QRSL1: variants seen among roughly 807,000 people sequenced by gnomAD.
The protein encoded by QRSL1 is glutaminyl-tRNA amidotransferase subunit QRSL1, also known as glutamyl-tRNA(Gln) amidotransferase subunit A, mitochondrial.
Under a neutral mutation model 61.6 loss-of-function variants are expected in QRSL1, and 54 were observed. That is an observed-to-expected ratio of 0.88 (90% CI 0.70 to 1.10). QRSL1 has a LOEUF of 1.10. Ranked by LOEUF, QRSL1 falls within the 50% of genes least tolerant of loss-of-function variation. QRSL1 has a pLI of 0.00. For synonymous variants in QRSL1, 228 were observed against 225.7 expected (o/e 1.01, Z -0.09); for missense variants, 505 against 622.6 (o/e 0.81, Z 2.01).
rs762440457 is a variant in QRSL1 at position 106,640,526 on chromosome 6, A to G, written c.184+18A>G. 2 of 1,523,886 alleles carry G rather than the reference A, an allele frequency of 1.3e-6. No homozygotes were observed. Among genetic ancestry groups the G allele is most frequent in the Admixed American group, 2.2e-5 (1 of 45,702 alleles). 94.4% of individuals were successfully genotyped at this position (1,523,886 alleles called of 1,614,324 possible). A position where few individuals can be genotyped will look rare whatever the true frequency, so the allele number is the denominator to read the frequency against. ...TAAGAATGGTAAATTGCTTTTAACT[A>G]TACTTAATTGTTATATCTCCAGAGA... On this transcript the variant is annotated intron_variant, in intron 2 of 10. Coordinates refer to ENST00000369046, the MANE Select transcript of QRSL1 (RefSeq NM_018292.5).
chr6:106,655,823 A>G lies in QRSL1; in HGVS notation c.1160+91A>G, dbSNP rs868401967. ...TCTTATAAGTCAAGGTATTTAGTAAAGAAACAAAATCTTTATGATTTGAAT... is the reference window on the plus strand; with the variant it reads ...TCTTATAAGTCAAGGTATTTAGTAAGGAAACAAAATCTTTATGATTTGAAT... On this transcript the variant is annotated intron_variant, in intron 9 of 10. Coordinates refer to ENST00000369046, the MANE Select transcript of QRSL1 (RefSeq NM_018292.5). 24 of 809,694 alleles carry G rather than the reference A, an allele frequency of 3.0e-5. No individual in the cohort carries two copies. The Middle Eastern group carries it at 3.6e-3, about 122-fold the overall frequency. 50.2% of individuals were successfully genotyped at this position (809,694 alleles called of 1,614,324 possible).
intron 3 of QRSL1, among the ~76,000 whole-genome samples, chr6:106,642,276 G>A (rs1369783750): frequency 6.6e-6 from 1 of 152,158 alleles, no homozygotes; most frequent in Non-Finnish European, 1.5e-5. Context: ...GGCTGGTCTC[G>A]AACTCCTAAC....
rs1334911938 is a variant in QRSL1 at position 106,652,476 on chromosome 6, C to T, written c.743C>T (p.Ala248Val). The T allele has an allele frequency of 1.9e-6, 3 of 1,614,166 alleles. No homozygotes were observed. Among genetic ancestry groups the T allele is most frequent in the Non-Finnish European group, 2.5e-6 (3 of 1,180,018 alleles). ...DDAAIVLGAL[A>V]GPDPRDSTTV... The stretch of plus-strand genomic sequence containing the variant: ...GTATTGCTCCTTACAGGTGCACTGG[C>T]CGGACCTGACCCCAGGGACTCTACC... The change falls in exon 7 of 11, where the codon GCC becomes GTC. Residue 248 changes from alanine to valine, a missense_variant. Physicochemically the swap from Ala to Val is moderately conservative, Grantham distance 64. Coordinates refer to ENST00000369046, the MANE Select transcript of QRSL1 (RefSeq NM_018292.5).
chr6:106,652,460 C>T lies in QRSL1; in HGVS notation c.734-7C>T, dbSNP rs746217672. 3 of 1,614,052 alleles carry T rather than the reference C, an allele frequency of 1.9e-6. No individual in the cohort carries two copies. The highest frequency in any genetic ancestry group is 2.2e-5 in the East Asian group (1 of 44,890). On this transcript the variant is annotated splice_region_variant and splice_polypyrimidine_tract_variant and intron_variant, in intron 6 of 10. Transcript: ENST00000369046. The stretch of plus-strand genomic sequence containing the variant: ...TATCTGTCATTCATAAGTATTGCTC[C>T]TTACAGGTGCACTGGCCGGACCTGA...
At chr6:106,654,207 G>A (rs1053392054) in intron 7 of QRSL1, among the ~76,000 whole-genome samples, 7 of 152,092 alleles carry the variant, frequency 4.6e-5, no homozygotes, top group South Asian at 4.1e-4. Context: ...AAAATTAGCC[G>A]GGCGTGGCTG....
At chr6:106,634,377 A>G (rs1045603318) in intron 1 of QRSL1, among the ~76,000 whole-genome samples, 1 of 152,182 alleles carries the variant, frequency 6.6e-6, no homozygotes, top group Admixed American at 6.5e-5. Flanking sequence ...ATCTTCTGGA[A>G]AGTTTTGAAT....
chr6:106,642,540 T>A, intron 3 of QRSL1: 1 of 713,902 alleles, frequency 1.4e-6, no homozygotes, highest in Non-Finnish European at 2.6e-6. Flanking sequence ...TTGTTTGCCA[T>A]GTACATGTGA....
Position 106,666,636 on chromosome 6 carries a change from C to T in QRSL1, c.*634C>T, listed in dbSNP as rs1777439014. The T allele has an allele frequency of 6.5e-6, 1 of 153,316 alleles. No homozygotes were observed. The highest frequency in any genetic ancestry group is 1.5e-5 in the Non-Finnish European group (1 of 68,852). The allele number at this position is 153,316 out of a possible 1,614,324, so 9.5% of individuals were successfully genotyped here. ...TCTCAAAAATTGTACATCTGTGTAACTAAAGCACTAACAAAAACATGAATA... is the reference window on the plus strand; with the variant it reads ...TCTCAAAAATTGTACATCTGTGTAATTAAAGCACTAACAAAAACATGAATA... On this transcript the variant is annotated 3_prime_UTR_variant, in exon 11 of 11. Transcript: ENST00000369046.
At chr6:106,636,620 G>C (rs538383848) in intron 1 of QRSL1, among the ~76,000 whole-genome samples, 1 of 152,246 alleles carries the variant, frequency 6.6e-6, no homozygotes, top group South Asian at 2.1e-4. Context: ...CGCCCAGCCA[G>C]CTCTACTGCT....
chr6:106,640,807 T>C lies in QRSL1; in HGVS notation c.185-16T>C, dbSNP rs1393227640. On this transcript the variant is annotated splice_polypyrimidine_tract_variant and intron_variant, in intron 2 of 10. Coordinates refer to ENST00000369046, the MANE Select transcript of QRSL1 (RefSeq NM_018292.5). ...TAAACTATCTCCTTTATCACTCTTT[T>C]GGCTTTTTAATGCAGGACAGTCACT... 2.5e-6 allele frequency: 4 copies of C among 1,593,532 alleles called. No individual in the cohort carries two copies. Among genetic ancestry groups the C allele is most frequent in the South Asian group, 2.2e-5 (2 of 90,162 alleles).
chr6:106,631,147 A>G (rs1356223062), intron 1 of QRSL1, among the ~76,000 whole-genome samples: 4 of 151,956 alleles, frequency 2.6e-5, no homozygotes, highest in African/African-American at 9.7e-5. Flanking sequence ...AATGGCGTGA[A>G]CCCGGGAGGC....
intron 9 of QRSL1, among the ~76,000 whole-genome samples, chr6:106,658,789 G>C (rs1197616811): frequency 2.0e-5 from 3 of 151,986 alleles, no homozygotes; most frequent in Admixed American, 6.6e-5. Context: ...TTCTGCATAG[G>C]GGTTTGTTAA....
At chr6:106,640,722 G>A (rs935324971) in intron 2 of QRSL1, 101 bp from the exon 3 acceptor site, 3 of 1,145,160 alleles carry the variant, frequency 2.6e-6, no homozygotes, top group African/African-American at 3.1e-5. Context: ...TTCTGAAGAA[G>A]TATCTTTGCC....
chr6:106,655,585 A>G, intron 8 of QRSL1, 30 bp from the exon 9 acceptor site: 1 of 1,437,964 alleles, frequency 7.0e-7, no homozygotes, highest in Non-Finnish European at 9.8e-7. Context: ...ACTTCCTTTC[A>G]AGTAATGTTT....
In QRSL1 at chr6:106,668,033, A is replaced by T. The variant is rs946883484; in HGVS notation, c.*2031A>T. On this transcript the variant is annotated 3_prime_UTR_variant, in exon 11 of 11. Transcript: ENST00000369046. ...AGTCTCAAACTCCTGGGCTCAAGTG[A>T]TCTGCCTCCCTCAGCCTCCCAAAGT... The T allele has an allele frequency of 6.6e-6, 1 of 152,024 alleles. No individual in the cohort carries two copies. The highest frequency in any genetic ancestry group is 1.5e-5 in the Non-Finnish European group (1 of 68,014). The allele number at this position is 152,024 out of a possible 1,614,324, so 9.4% of individuals were successfully genotyped here.
intron 4 of QRSL1, among the ~76,000 whole-genome samples, chr6:106,643,888 T>C (rs961970554): frequency 6.6e-6 from 1 of 151,758 alleles, no homozygotes; most frequent in African/African-American, 2.4e-5. Context: ...TTTTTTTTTT[T>C]GAGACAGAGT....
In QRSL1 at chr6:106,629,730, C is replaced by T. The variant is rs749967147; in HGVS notation, c.24+25C>T. On this transcript the variant is annotated intron_variant, in intron 1 of 10. Coordinates refer to ENST00000369046, the MANE Select transcript of QRSL1 (RefSeq NM_018292.5). ...AGTGAGTGGAATTGGCCCGCTGAGG[C>T]CCCCGGGAGGGCGGAAAGTTTAACG... 6.3e-6 allele frequency: 10 copies of T among 1,596,744 alleles called. No homozygotes were observed. The African/African-American group carries it at 1.3e-4, about 21-fold the overall frequency.
chr6:106,646,438 A>G (rs1777105662), intron 4 of QRSL1, among the ~76,000 whole-genome samples: 1 of 152,202 alleles, frequency 6.6e-6, no homozygotes. Context: ...AAACAAAAAA[A>G]GGGCTGTGAA....
intron 1 of QRSL1, among the ~76,000 whole-genome samples, chr6:106,637,611 C>G (rs899379208): frequency 4.6e-5 from 7 of 152,164 alleles, no homozygotes; most frequent in African/African-American, 1.7e-4. Flanking sequence ...CCCTCTCCCA[C>G]TCTGGACTCT....
Sources: allele counts gnomAD v4.1 joint callset (sites outside exome capture counted in the v4.1 genomes callset), GRCh38; gene constraint gnomAD v4.1.1; transcripts MANE v1.5; gene names NCBI Gene and HGNC (gene_info 2026-07-23, HGNC 2026-07-21).